DLGAP1: variants seen among roughly 807,000 people sequenced by gnomAD.
The protein encoded by DLGAP1 is DLG associated protein 1.
In DLGAP1, 11 loss-of-function variants were observed where a neutral mutation model predicts 90.8. The observed-to-expected ratio is 0.12, with a 90% confidence interval of 0.08 to 0.20. DLGAP1 has a LOEUF of 0.20. Ranked by LOEUF, DLGAP1 falls within the 10% of genes least tolerant of loss-of-function variation. The pLI is 1.00. For synonymous variants in DLGAP1, 558 were observed against 540.7 expected, an observed-to-expected ratio of 1.03 and a Z score of -0.44; for missense variants, 1,050 against 1,333.8, an observed-to-expected ratio of 0.79 and a Z score of 3.31.
intron 3 of DLGAP1, among the ~76,000 whole-genome samples, chr18:3,982,275 T>C (rs1039344068): frequency 3.9e-5 from 6 of 152,190 alleles, no homozygotes; most frequent in Non-Finnish European, 7.3e-5. Flanking sequence ...TTAAAATGTT[T>C]ATCTCTAAAA....
chr18:3,920,250 C>T (rs1218307675), intron 3 of DLGAP1, among the ~76,000 whole-genome samples: 4 of 148,088 alleles, frequency 2.7e-5, no homozygotes, highest in African/African-American at 5.0e-5. Context: ...GGCTGAGGCA[C>T]GAGAATCGCT....
At chr18:3,636,944 C>T (rs1368739171) in intron 7 of DLGAP1, among the ~76,000 whole-genome samples, 1 of 149,494 alleles carries the variant, frequency 6.7e-6, no homozygotes, top group African/African-American at 2.5e-5. Context: ...AGGATGGTCT[C>T]GATCTCCTGA....
At chr18:3,841,931 G>A (rs533676967) in intron 4 of DLGAP1, among the ~76,000 whole-genome samples, 1 of 152,164 alleles carries the variant, frequency 6.6e-6, no homozygotes, top group Non-Finnish European at 1.5e-5. Context: ...CAAGAAAACA[G>A]GCAATCCTAC....
chr18:4,453,846 T>C (rs528416136), intron 1 of DLGAP1, among the ~76,000 whole-genome samples: 185 of 152,030 alleles, frequency 1.2e-3, no homozygotes, highest in South Asian at 5.6e-3. Flanking sequence ...GAGTAAGGAG[T>C]GAAGAGTCTC....
At chr18:3,821,862 T>C (rs2067437969) in intron 4 of DLGAP1, 1 of 976,638 alleles carries the variant, frequency 1.0e-6, no homozygotes, top group South Asian at 4.7e-5. Context: ...TTCTAAGCAC[T>C]TTTAGTGGGC....
intron 3 of DLGAP1, among the ~76,000 whole-genome samples, chr18:3,943,747 C>T (rs1009757858): frequency 4.6e-5 from 7 of 152,236 alleles, no homozygotes; most frequent in African/African-American, 1.2e-4. Flanking sequence ...CCCAGTGTCT[C>T]GGAATGTGAC....
intron 9 of DLGAP1, among the ~76,000 whole-genome samples, chr18:3,547,129 G>A (rs1181777829): frequency 4.0e-5 from 6 of 151,626 alleles, no homozygotes; most frequent in African/African-American, 1.5e-4. Context: ...GTGAAACCCC[G>A]TCTCTACTAA....
chr18:3,711,769 A>T lies in DLGAP1; in HGVS notation c.1591+17366T>A, dbSNP rs1079411. ...TGGGAGGCTTGCTTGAGCCCGGGAG[A>T]TCAAGGCTGTTGTGAGCCATGATCA... On this transcript the variant is annotated intron_variant, in intron 7 of 12. Transcript: ENST00000315677. This position sits in a 1 kb window ranked among gnomAD's most constrained non-coding sequence, Gnocchi z 4.0. Among the ~76,000 whole-genome samples the T allele has an allele frequency of 0.03, 4,600 of 152,156 alleles. 244 individuals carry two copies. The highest frequency in any genetic ancestry group is 0.11 in the African/African-American group (4,361 of 41,512).
chr18:3,793,784 C>T (rs1392276780), intron 5 of DLGAP1, among the ~76,000 whole-genome samples: 3 of 152,166 alleles, frequency 2.0e-5, no homozygotes, highest in Non-Finnish European at 4.4e-5. Context: ...GCTGCATGCC[C>T]CACTCTGCGA....
At chr18:3,633,300 G>A (rs896740324) in intron 7 of DLGAP1, among the ~76,000 whole-genome samples, 2 of 152,034 alleles carry the variant, frequency 1.3e-5, no homozygotes, top group African/African-American at 2.4e-5. Flanking sequence ...CTACTCTGGA[G>A]GCTGAGGCAG....
Position 3,963,411 on chromosome 18 carries a change from T to C in DLGAP1, c.-73+41705A>G, listed in dbSNP as rs147598276. Reference sequence around the variant, plus strand: ...GCAGCTGCCTGGACTCAAATGTGCATGAGGATGAGGTGCCCAGGCTACCCT... The same window carrying C: ...GCAGCTGCCTGGACTCAAATGTGCACGAGGATGAGGTGCCCAGGCTACCCT... On this transcript the variant is annotated intron_variant, in intron 3 of 12. Transcript: ENST00000315677. Among the ~76,000 whole-genome samples the C allele has an allele frequency of 6.8e-4, 104 of 152,292 alleles. 2 individuals are homozygous for C. The East Asian group carries it at 0.014, about 20-fold the overall frequency.
chr18:4,376,225 T>C (rs1456033731), intron 1 of DLGAP1, among the ~76,000 whole-genome samples: 1 of 152,184 alleles, frequency 6.6e-6, no homozygotes, highest in Non-Finnish European at 1.5e-5. Flanking sequence ...TGGGCTCTCC[T>C]ATGCAACTTA....
Position 3,622,191 on chromosome 18 carries a change from G to A in DLGAP1, c.1592-39943C>T, listed in dbSNP as rs999687283. On this transcript the variant is annotated intron_variant, in intron 7 of 12. Transcript: ENST00000315677. The stretch of plus-strand genomic sequence containing the variant: ...GTGATCTTGGCTCACTGCCAGCTCC[G>A]CCTCCCAGGTTCATGCCATTCTCCT... Among the ~76,000 whole-genome samples, 37 of 151,202 alleles carry A rather than the reference G, an allele frequency of 2.4e-4. 1 individual carries two copies. The highest frequency in any genetic ancestry group is 2.4e-3 in the Admixed American group (36 of 15,144).
intron 1 of DLGAP1, among the ~76,000 whole-genome samples, chr18:4,393,437 C>G (rs1177489743): frequency 6.6e-6 from 1 of 152,130 alleles, no homozygotes; most frequent in East Asian, 1.9e-4. Flanking sequence ...TGGACTCTAC[C>G]TCTAATTTTT....
At chr18:3,549,907 ATTT>A (rs2053284370) in intron 9 of DLGAP1, among the ~76,000 whole-genome samples, 3 of 151,690 alleles carry the variant, frequency 2.0e-5, no homozygotes, top group African/African-American at 7.3e-5. Flanking sequence ...TAATTAATTT[ATTT>A]ATTATTTATT....
intron 1 of DLGAP1, among the ~76,000 whole-genome samples, chr18:4,404,096 T>G (rs2082613776): frequency 1.3e-5 from 2 of 152,198 alleles, no homozygotes; most frequent in Non-Finnish European, 2.9e-5. Flanking sequence ...ACAGGACTTT[T>G]GAGGAAGGAA....
At chr18:3,673,446 G>A (rs945871768) in intron 7 of DLGAP1, among the ~76,000 whole-genome samples, 1 of 152,214 alleles carries the variant, frequency 6.6e-6, no homozygotes, top group Non-Finnish European at 1.5e-5. Context: ...TTGATAGAAA[G>A]CCATGGTTGA....
At chr18:3,972,010 C>T (rs2073460181) in intron 3 of DLGAP1, among the ~76,000 whole-genome samples, 1 of 152,030 alleles carries the variant, frequency 6.6e-6, no homozygotes, top group Admixed American at 6.6e-5. Context: ...ATCAGGAGAC[C>T]ATGAATAGCT....
At chr18:3,634,132 C>A (rs2058613754) in intron 7 of DLGAP1, among the ~76,000 whole-genome samples, 2 of 151,944 alleles carry the variant, frequency 1.3e-5, no homozygotes, top group African/African-American at 4.8e-5. Context: ...GTATTATACA[C>A]AAGAATACAC....
Sources: allele counts gnomAD v4.1 joint callset (sites outside exome capture counted in the v4.1 genomes callset), GRCh38; gene constraint gnomAD v4.1.1; non-coding constraint Gnocchi (gnomAD v3.1); transcripts MANE v1.5; gene names NCBI Gene and HGNC (gene_info 2026-07-23, HGNC 2026-07-21).